The following PAAF1 variants were observed in gnomAD, a reference collection of about 807,000 sequenced individuals.
PAAF1 encodes proteasomal ATPase-associated factor 1.
Under a neutral mutation model 52.8 loss-of-function variants are expected in PAAF1, and 46 were observed. The observed-to-expected ratio is 0.87, with a 90% CI of 0.69 to 1.11. The LOEUF (loss-of-function observed/expected upper bound fraction) is 1.11, where lower values mean the gene tolerates loss of function less well. Among genes scored for constraint, PAAF1 ranks in the 50% most tolerant of loss-of-function variants. The pLI, the probability that PAAF1 is intolerant of heterozygous loss-of-function variation, is 0.00. For missense variants in PAAF1, 424 were observed against 477.4 expected, an observed-to-expected ratio of 0.89 and a Z score of 1.04; for synonymous variants, 178 against 172.8, an observed-to-expected ratio of 1.03 and a Z score of -0.24.
chr11:73,916,174 A>G (rs1834241483), intron 8 of PAAF1, among the ~76,000 whole-genome samples: 1 of 152,202 alleles, frequency 6.6e-6, no homozygotes, highest in Non-Finnish European at 1.5e-5. Context: ...TTGAAGTGAC[A>G]TGGAGCAAAA....
chr11:73,904,015 C>T (rs1433987840), intron 6 of PAAF1, among the ~76,000 whole-genome samples: 2 of 151,096 alleles, frequency 1.3e-5, no homozygotes, highest in Non-Finnish European at 2.9e-5. Context: ...ACCTGGGAGG[C>T]AGAGGTTGCA....
intron 4 of PAAF1, among the ~76,000 whole-genome samples, chr11:73,897,277 G>C (rs554173362): frequency 6.7e-6 from 1 of 149,620 alleles, no homozygotes; most frequent in Non-Finnish European, 1.5e-5. Context: ...CTGGCCGTGT[G>C]GGGGGCTGAC....
At chr11:73,897,428 C>T (rs1404909587) in intron 4 of PAAF1, among the ~76,000 whole-genome samples, 35 of 148,622 alleles carry the variant, frequency 2.4e-4, no homozygotes, top group Admixed American at 4.0e-4. Flanking sequence ...ACTTCTCAGA[C>T]GGGGCGGTTG....
rs369668878 is a variant in PAAF1 at position 73,877,904 on chromosome 11, C to T, written c.47+836C>T. Among the ~76,000 whole-genome samples the T allele has an allele frequency of 5.3e-5, 8 of 152,196 alleles. No individual in the cohort carries two copies. The East Asian group carries it at 9.6e-4, about 18-fold the overall frequency. ...CATCTCAAAAAAGAAGAAAAGCTGA[C>T]GTCTTAATTAGGAATACACAGCAAA... On this transcript the variant is annotated intron_variant, in intron 1 of 11. Coordinates refer to ENST00000310571, the MANE Select transcript of PAAF1 (RefSeq NM_025155.3).
chr11:73,891,069 G>C, intron 3 of PAAF1, 43 bp from the exon 4 acceptor site: 1 of 1,140,404 alleles, frequency 8.8e-7, no homozygotes, highest in South Asian at 1.3e-5. Context: ...TAATACATTG[G>C]AGGAGTTTTA....
At chr11:73,895,346 C>T (rs1029530653) in intron 4 of PAAF1, among the ~76,000 whole-genome samples, 1 of 152,138 alleles carries the variant, frequency 6.6e-6, no homozygotes, top group Non-Finnish European at 1.5e-5. Flanking sequence ...TTGAGGTTTC[C>T]AGTCTAGCCT....
At chr11:73,892,783 C>T (rs1415370075) in intron 4 of PAAF1, among the ~76,000 whole-genome samples, 1 of 152,124 alleles carries the variant, frequency 6.6e-6, no homozygotes, top group Non-Finnish European at 1.5e-5. Context: ...CTCAGCCTCC[C>T]GAATAGCTGG....
chr11:73,922,990 G>A (rs1489104337), intron 10 of PAAF1, among the ~76,000 whole-genome samples: 3 of 152,076 alleles, frequency 2.0e-5, no homozygotes, highest in African/African-American at 7.2e-5. Context: ...CGATGAACCT[G>A]TTATACCCAT....
At position 73,892,980 on chromosome 11, in the gene PAAF1, T is replaced by C. The variant is rs545863388; in HGVS notation, c.282+1779T>C. Among the ~76,000 whole-genome samples, 5 of 152,298 alleles carry C rather than the reference T, an allele frequency of 3.3e-5. No individual in the cohort carries two copies. In the South Asian group the frequency reaches 1.0e-3, roughly 32 times the overall value. ...CAGCCTATAACTTGCTTTTTATTAC[T>C]TAATTATATGTCCATTATTCTATGC... On this transcript the variant is annotated intron_variant, in intron 4 of 11. Coordinates refer to ENST00000310571, the MANE Select transcript of PAAF1 (RefSeq NM_025155.3).
At chr11:73,877,529 T>G (rs570543001) in intron 1 of PAAF1, among the ~76,000 whole-genome samples, 31 of 152,274 alleles carry the variant, frequency 2.0e-4, no homozygotes, top group Non-Finnish European at 4.6e-4. Context: ...GGCCCCATAC[T>G]GGATGCTTGG....
chr11:73,882,956 G>A (rs1291261689), intron 2 of PAAF1, among the ~76,000 whole-genome samples: 1 of 152,108 alleles, frequency 6.6e-6, no homozygotes, highest in Non-Finnish European at 1.5e-5. Flanking sequence ...CTGGAGTACA[G>A]TTGCATGATT....
At chr11:73,907,584 G>C (rs1363082996) in intron 6 of PAAF1, among the ~76,000 whole-genome samples, 1 of 152,188 alleles carries the variant, frequency 6.6e-6, no homozygotes, top group Non-Finnish European at 1.5e-5. Flanking sequence ...GCCTGTCACT[G>C]CCAGGTGGGG....
intron 4 of PAAF1, among the ~76,000 whole-genome samples, chr11:73,893,529 G>C (rs192700222): frequency 2.0e-5 from 3 of 152,018 alleles, no homozygotes; most frequent in Non-Finnish European, 2.9e-5. Context: ...CTGAGGTGAG[G>C]AGTTCAAGAC....
rs549955625 is a variant in PAAF1, at chr11:73,902,585, T to C, written c.532+2165T>C. Among the ~76,000 whole-genome samples, 10 of 152,366 alleles carry C rather than the reference T, an allele frequency of 6.6e-5. No individual in the cohort carries two copies. The East Asian group carries it at 9.6e-4, about 15-fold the overall frequency. On this transcript the variant is annotated intron_variant, in intron 6 of 11. Transcript: ENST00000310571. Reference sequence around the variant, plus strand: ...CAGTTTATAAATACCTTTGGATCACTGCAATTATTGTTCCCTTTACAGAAT... The same window carrying C: ...CAGTTTATAAATACCTTTGGATCACCGCAATTATTGTTCCCTTTACAGAAT...
At chr11:73,908,081 T>C (rs1356032284) in intron 6 of PAAF1, among the ~76,000 whole-genome samples, 3 of 152,076 alleles carry the variant, frequency 2.0e-5, no homozygotes, top group African/African-American at 4.8e-5. Context: ...GACTTTTCAG[T>C]TGTAAACAGA....
intron 6 of PAAF1, among the ~76,000 whole-genome samples, chr11:73,900,938 C>T (rs975753416): frequency 1.4e-5 from 2 of 144,392 alleles, no homozygotes; most frequent in East Asian, 4.0e-4. Context: ...GCCGAGATCC[C>T]GCCACTGCAC....
At chr11:73,919,539 C>T (rs1357577496) in intron 10 of PAAF1, among the ~76,000 whole-genome samples, 7 of 152,124 alleles carry the variant, frequency 4.6e-5, no homozygotes, top group East Asian at 1.9e-4. Flanking sequence ...ATGAGGCAAG[C>T]GGGGGCAAAA....
chr11:73,890,266 C>T (rs2135144686), intron 3 of PAAF1, among the ~76,000 whole-genome samples: 1 of 152,014 alleles, frequency 6.6e-6, no homozygotes, highest in East Asian at 1.9e-4. Context: ...AAGCCTTTTT[C>T]TTTTTTTTAC....
intron 1 of PAAF1, 142 bp downstream of exon 1, chr11:73,877,210 A>G: frequency 1.2e-6 from 1 of 863,122 alleles, no homozygotes; most frequent in Non-Finnish European, 1.6e-6. Context: ...GGGTCCGGAA[A>G]AAGAAGTATC....
Sources: allele counts gnomAD v4.1 joint callset (sites outside exome capture counted in the v4.1 genomes callset), GRCh38; gene constraint gnomAD v4.1.1; transcripts MANE v1.5; gene names NCBI Gene and HGNC (gene_info 2026-07-23, HGNC 2026-07-21).